The following SMOC2 variants were observed in gnomAD, a reference collection of about 807,000 sequenced individuals.
The protein encoded by SMOC2 is SPARC-related modular calcium-binding protein 2.
In SMOC2, 39 loss-of-function variants were observed where a neutral mutation model predicts 61.4. The ratio of observed to expected loss-of-function variants is 0.64; its 90% CI spans 0.49 to 0.83. The LOEUF is 0.83. SMOC2 is among the 40% of genes least tolerant of loss of function. The pLI, the probability that SMOC2 is intolerant of heterozygous loss-of-function variation, is 0.00. For synonymous variants in SMOC2, 247 were observed against 239.9 expected, an observed-to-expected ratio of 1.03 and a Z score of -0.27; for missense variants, 556 against 592.9, an observed-to-expected ratio of 0.94 and a Z score of 0.65.
Position 168,661,518 on chromosome 6 carries a change from C to G in SMOC2, c.1286-2556C>G, listed in dbSNP as rs111803393. On this transcript the variant is annotated intron_variant, in intron 11 of 12. Coordinates refer to ENST00000356284, the MANE Select transcript of SMOC2 (RefSeq NM_001166412.2). ...TCGGGAGGCTGAGGCAGGAAAATTGCTTGAACCAGGGAGTTGGAGGTTGCA... is the reference window on the plus strand; with the variant it reads ...TCGGGAGGCTGAGGCAGGAAAATTGGTTGAACCAGGGAGTTGGAGGTTGCA... 9.1e-3 allele frequency among the ~76,000 whole-genome samples: 1,385 copies of G among 152,232 alleles called. 31 individuals carry two copies. The highest frequency in any genetic ancestry group is 0.032 in the African/African-American group (1,324 of 41,542).
intron 9 of SMOC2, 148 bp downstream of exon 9, chr6:168,608,387 G>C: frequency 1.1e-6 from 1 of 894,900 alleles, no homozygotes; most frequent in Non-Finnish European, 1.7e-6. Context: ...AGAGGGCCCT[G>C]AGTCCAGGCA....
rs1350502129 is a variant in SMOC2 at position 168,544,054 on chromosome 6, A to G, written c.511+382A>G. 6.6e-6 allele frequency among the ~76,000 whole-genome samples: 1 copy of G among 152,132 alleles called. No individual in the cohort carries two copies. The highest frequency in any genetic ancestry group is 1.5e-5 in the Non-Finnish European group (1 of 68,012). On this transcript the variant is annotated intron_variant, in intron 5 of 12. Transcript: ENST00000356284. This position sits in a 1 kb window ranked among gnomAD's most constrained non-coding sequence, Gnocchi z 4.1. ...TAAAGATGCCTCAACTCCTCCCTAC[A>G]AGGAGGAAGAGGAACAGTTTTTCTA...
intron 7 of SMOC2, among the ~76,000 whole-genome samples, chr6:168,582,738 T>G (rs1490549229): frequency 6.6e-6 from 1 of 152,168 alleles, no homozygotes; most frequent in African/African-American, 2.4e-5. Flanking sequence ...ACGCGGTGTT[T>G]CCACCTGTTT....
At chr6:168,489,655 G>A (rs7761759) in intron 1 of SMOC2, among the ~76,000 whole-genome samples, 19,853 of 127,758 alleles carry the variant, frequency 0.16, 2,905 homozygotes, top group African/African-American at 0.38. Context: ...ATATCAAATC[G>A]TCTGGGTCCC....
intron 1 of SMOC2, among the ~76,000 whole-genome samples, chr6:168,480,139 G>A (rs1411472646): frequency 6.6e-6 from 1 of 152,004 alleles, no homozygotes; most frequent in Admixed American, 6.5e-5. Flanking sequence ...CAAACCCTGG[G>A]AAAAATGAAG....
chr6:168,521,183 C>CT (rs1783320190), intron 2 of SMOC2, among the ~76,000 whole-genome samples: 1 of 152,068 alleles, frequency 6.6e-6, no homozygotes, highest in Admixed American at 6.6e-5. Context: ...GAGCCTTGCT[C>CT]TGTCACCCAG....
intron 1 of SMOC2, among the ~76,000 whole-genome samples, chr6:168,457,571 G>A (rs1229885160): frequency 6.6e-6 from 1 of 152,206 alleles, no homozygotes; most frequent in East Asian, 1.9e-4. Context: ...AATCCTCCCA[G>A]AACATGAGCC....
intron 9 of SMOC2, 62 bp from the exon 10 acceptor site, chr6:168,650,618 AT>A: frequency 6.7e-7 from 1 of 1,491,826 alleles, no homozygotes. Context: ...ATTTCCCTGT[AT>A]TTTAGAGGAA....
chr6:168,450,489 T>C (rs1781435735), intron 1 of SMOC2, among the ~76,000 whole-genome samples: 1 of 152,192 alleles, frequency 6.6e-6, no homozygotes, highest in South Asian at 2.1e-4. Flanking sequence ...AGCAGATGGG[T>C]CCCCTTCCCA....
chr6:168,578,871 G>A (rs780119474), intron 7 of SMOC2, among the ~76,000 whole-genome samples: 3 of 152,204 alleles, frequency 2.0e-5, no homozygotes, highest in Non-Finnish European at 4.4e-5. Flanking sequence ...GGATTTTCAA[G>A]TAGGGATCGC....
chr6:168,506,792 C>T (rs1417104417), intron 1 of SMOC2, among the ~76,000 whole-genome samples: 1 of 152,142 alleles, frequency 6.6e-6, no homozygotes, highest in Non-Finnish European at 1.5e-5. Context: ...TTGCATTCTA[C>T]ATTTAGCAAA....
intron 9 of SMOC2, among the ~76,000 whole-genome samples, chr6:168,644,885 A>T (rs1786983936): frequency 6.6e-6 from 1 of 152,034 alleles, no homozygotes; most frequent in Admixed American, 6.5e-5. Context: ...CCTGACCTCA[A>T]GTGATCCACC....
intron 9 of SMOC2, among the ~76,000 whole-genome samples, chr6:168,632,606 A>C (rs1786598877): frequency 1.3e-5 from 2 of 152,218 alleles, no homozygotes; most frequent in African/African-American, 4.8e-5. Flanking sequence ...ATGTTGGCTC[A>C]ATGTTGCAGC....
intron 1 of SMOC2, among the ~76,000 whole-genome samples, chr6:168,479,772 GA>G (rs1297543910): frequency 6.6e-6 from 1 of 152,198 alleles, no homozygotes; most frequent in African/African-American, 2.4e-5. Flanking sequence ...GGGTGCAGAC[GA>G]AAAGGTGGTG....
intron 9 of SMOC2, among the ~76,000 whole-genome samples, chr6:168,634,338 G>C (rs1786655695): frequency 6.6e-6 from 1 of 152,182 alleles, no homozygotes; most frequent in Non-Finnish European, 1.5e-5. Context: ...CTGTAACTTT[G>C]CATGGCACAG....
intron 9 of SMOC2, among the ~76,000 whole-genome samples, chr6:168,631,083 C>A (rs568003939): frequency 1.8e-4 from 28 of 152,164 alleles, no homozygotes; most frequent in Non-Finnish European, 4.4e-5. Flanking sequence ...CACACCTATT[C>A]GCACACTCCC....
rs908013707 is a variant in SMOC2 at position 168,519,152 on chromosome 6, CGT to C, written c.257-7187_257-7186del. 3.3e-4 allele frequency among the ~76,000 whole-genome samples: 43 copies of C among 131,700 alleles called. No individual in the cohort carries two copies. The East Asian group carries it at 5.1e-3, about 16-fold the overall frequency. 86.4% of individuals were successfully genotyped at this position (131,700 alleles called of 152,430 possible). ...GTGTATGTGTGCATGTGTGAGCATG[CGT>C]GTGTGTATGCGTGCATGTGTGAGTA... On this transcript the variant is annotated intron_variant, in intron 2 of 12. Transcript: ENST00000356284.
In SMOC2 at chr6:168,523,079, ATTTTT is replaced by A. The variant is rs1554287070; in HGVS notation, c.257-3251_257-3247del. Among the ~76,000 whole-genome samples the A allele has an allele frequency of 8.8e-4, 82 of 93,694 alleles. 16 individuals are homozygous for A. Among genetic ancestry groups the A allele is most frequent in the Non-Finnish European group, 9.5e-4 (43 of 45,378 alleles). 61.5% of individuals were successfully genotyped at this position (93,694 alleles called of 152,430 possible). On this transcript the variant is annotated intron_variant, in intron 2 of 12. Transcript: ENST00000356284. The stretch of plus-strand genomic sequence containing the variant: ...TTATGTTATTTGTAGTTGTACAGTA[ATTTTT>A]TTTTTTTTTTTTTTTGAGACGGAGT...
chr6:168,597,084 T>G (rs1785354641), intron 7 of SMOC2, among the ~76,000 whole-genome samples: 1 of 152,272 alleles, frequency 6.6e-6, no homozygotes, highest in Non-Finnish European at 1.5e-5. Context: ...TTCAAGTGGC[T>G]GAGTACAGCG....
Sources: gnomAD v4.1 joint callset for allele counts (sites outside exome capture counted in the v4.1 genomes callset) on GRCh38, gnomAD v4.1.1 for gene constraint, Gnocchi (gnomAD v3.1) non-coding constraint, MANE v1.5 for transcripts, NCBI Gene and HGNC (gene_info 2026-07-23, HGNC 2026-07-21) for gene names.